FOXP1: variants seen among roughly 807,000 people sequenced by gnomAD.
The protein encoded by FOXP1 is forkhead box P1.
Under a neutral mutation model 98.2 loss-of-function variants are expected in FOXP1, and 15 were observed. The ratio of observed to expected loss-of-function variants is 0.15; its 90% CI spans 0.10 to 0.24. FOXP1 has a LOEUF of 0.24. Ranked by LOEUF, FOXP1 falls within the 10% of genes least tolerant of loss-of-function variation. The pLI, the probability that FOXP1 is intolerant of heterozygous loss-of-function variation, is 1.00. For synonymous variants in FOXP1, 371 were observed against 314.5 expected, an observed-to-expected ratio of 1.18 and a Z score of -1.90; for missense variants, 633 against 848.5, an observed-to-expected ratio of 0.75 and a Z score of 3.15.
intron 19 of FOXP1, among the ~76,000 whole-genome samples, chr3:70,967,710 G>GTTTTTTTTTTTTTTT (rs756777959): frequency 7.3e-5 from 5 of 68,874 alleles, no homozygotes; most frequent in Non-Finnish European, 1.1e-4. Flanking sequence ...GTTTTTTTTT[G>GTTTTTTTTTTTTTTT]TTTTTTTTTT....
intron 7 of FOXP1, among the ~76,000 whole-genome samples, chr3:71,107,686 T>C (rs1490544339): frequency 6.6e-6 from 1 of 152,196 alleles, no homozygotes; most frequent in Non-Finnish European, 1.5e-5. Context: ...TAAGGGTCAG[T>C]ACTTCAAAAC....
intron 7 of FOXP1, among the ~76,000 whole-genome samples, chr3:71,088,907 C>A (rs1559904821): frequency 6.6e-6 from 1 of 152,176 alleles, no homozygotes; most frequent in Non-Finnish European, 1.5e-5. Context: ...ACAGGCAAAT[C>A]TTTTAGTGAA....
intron 6 of FOXP1, among the ~76,000 whole-genome samples, chr3:71,158,727 C>CAAA (rs71104421): frequency 8.4e-4 from 95 of 113,024 alleles, no homozygotes; most frequent in South Asian, 5.3e-3. Context: ...GCCCACAGAC[C>CAAA]AAAAAAAAAA....
intron 11 of FOXP1, among the ~76,000 whole-genome samples, chr3:71,024,235 T>C (rs1378289410): frequency 6.6e-6 from 1 of 152,184 alleles, no homozygotes; most frequent in Non-Finnish European, 1.5e-5. Context: ...GGCAGCTTTG[T>C]AAAAATGACC....
Position 71,467,323 on chromosome 3 carries a change from G to A in FOXP1, c.-168+26103C>T, listed in dbSNP as rs186414152. On this transcript the variant is annotated intron_variant, in intron 3 of 20. Transcript: ENST00000649528. ...TCATTCACCACACAGTACCTGGAAC[G>A]AAGTAGGATTTCAGCAAAGAATTGT... Among the ~76,000 whole-genome samples, 49 of 152,260 alleles carry A rather than the reference G, an allele frequency of 3.2e-4. 1 individual carries two copies. In the East Asian group the frequency reaches 8.3e-3, roughly 26 times the overall value.
intron 4 of FOXP1, among the ~76,000 whole-genome samples, chr3:71,328,992 A>G (rs1009537038): frequency 1.4e-5 from 2 of 147,342 alleles, no homozygotes; most frequent in East Asian, 4.0e-4. Flanking sequence ...AAAAAAAACA[A>G]AAAAAAAAAA....
intron 4 of FOXP1, chr3:71,334,228 C>T (rs11128212): frequency 0.36 from 54,996 of 151,872 alleles, 11,850 homozygotes; most frequent in East Asian, 0.73. Context: ...GTCAACATGG[C>T]GAAATTCTGT....
chr3:71,046,856 GT>G, intron 10 of FOXP1, 85 bp downstream of exon 10: 1 of 1,435,782 alleles, frequency 7.0e-7, no homozygotes, highest in East Asian at 2.3e-5. Context: ...GATGGACAAT[GT>G]CCTTAACAAA....
At chr3:70,992,280 T>C (rs993159036) in intron 13 of FOXP1, among the ~76,000 whole-genome samples, 2 of 152,148 alleles carry the variant, frequency 1.3e-5, no homozygotes, top group East Asian at 3.9e-4. Context: ...GTTTCCTCAG[T>C]AGTTTCGTAT....
intron 2 of FOXP1, among the ~76,000 whole-genome samples, chr3:71,552,706 TATAATA>T (rs1324361432): frequency 2.0e-5 from 3 of 151,872 alleles, no homozygotes; most frequent in Non-Finnish European, 4.4e-5. Flanking sequence ...CTAGGCAAAA[TATAATA>T]ATAATATTGA....
At chr3:71,010,313 T>A (rs1434584188) in intron 12 of FOXP1, among the ~76,000 whole-genome samples, 1 of 152,166 alleles carries the variant, frequency 6.6e-6, no homozygotes, top group Non-Finnish European at 1.5e-5. Flanking sequence ...CCAGACTGCC[T>A]GGGTTTGGAC....
intron 7 of FOXP1, among the ~76,000 whole-genome samples, chr3:71,086,344 A>T: frequency 6.6e-6 from 1 of 152,188 alleles, no homozygotes; most frequent in East Asian, 1.9e-4. Context: ...CTTATCTAGG[A>T]CTGCTAGTTA....
chr3:71,497,657 ACT>A (rs1282927229), intron 2 of FOXP1, among the ~76,000 whole-genome samples: 9 of 152,170 alleles, frequency 5.9e-5, no homozygotes, highest in African/African-American at 2.2e-4. Flanking sequence ...ACCCCAGGTA[ACT>A]CTGATAAAGA....
At chr3:71,421,238 C>T (rs765090415) in intron 3 of FOXP1, among the ~76,000 whole-genome samples, 24 of 152,098 alleles carry the variant, frequency 1.6e-4, no homozygotes, top group Non-Finnish European at 2.2e-4. Flanking sequence ...AAAGAAACTA[C>T]AGGGGAAAGT....
chr3:71,345,393 TATATAC>T (rs1379758354), intron 4 of FOXP1, among the ~76,000 whole-genome samples: 10 of 48,498 alleles, frequency 2.1e-4, no homozygotes, highest in South Asian at 2.1e-3. Context: ...GTCTCAAATA[TATATAC>T]ACACACACAC....
At chr3:71,527,309 A>G (rs1319539861) in intron 2 of FOXP1, among the ~76,000 whole-genome samples, 1 of 152,232 alleles carries the variant, frequency 6.6e-6, no homozygotes, top group Non-Finnish European at 1.5e-5. Context: ...TCAAGCATCA[A>G]CAGCAAGATC....
intron 3 of FOXP1, among the ~76,000 whole-genome samples, chr3:71,486,922 T>C (rs2090696112): frequency 6.6e-6 from 1 of 152,174 alleles, no homozygotes; most frequent in Admixed American, 6.5e-5. Flanking sequence ...CTTTGGTGTA[T>C]TGATAAGAAG....
intron 3 of FOXP1, among the ~76,000 whole-genome samples, chr3:71,456,070 G>A (rs1032060400): frequency 4.6e-5 from 7 of 152,150 alleles, no homozygotes; most frequent in Admixed American, 2.6e-4. Context: ...ATGCCAAACC[G>A]AGGGAAAGGA....
intron 11 of FOXP1, among the ~76,000 whole-genome samples, chr3:71,038,345 G>A (rs968403197): frequency 1.1e-4 from 16 of 152,180 alleles, no homozygotes; most frequent in African/African-American, 3.9e-4. Context: ...ATTCAGTGTG[G>A]CAGAGACTCT....
Sources: allele counts gnomAD v4.1 joint callset (sites outside exome capture counted in the v4.1 genomes callset), GRCh38; gene constraint gnomAD v4.1.1; transcripts MANE v1.5; gene names NCBI Gene and HGNC (gene_info 2026-07-23, HGNC 2026-07-21).